PRKCA: variants seen among roughly 807,000 people sequenced by gnomAD.
The protein encoded by PRKCA is protein kinase C alpha, also known as protein kinase C alpha type.
Under a neutral mutation model 87.0 loss-of-function variants are expected in PRKCA, and 27 were observed. The observed-to-expected ratio is 0.31, with a 90% CI of 0.23 to 0.43. The LOEUF is 0.43. Ranked by LOEUF, PRKCA falls within the 20% of genes least tolerant of loss-of-function variation. The pLI is 1.00. For missense variants in PRKCA, 518 were observed against 852.3 expected (o/e 0.61, Z 4.88); for synonymous variants, 329 against 311.1 (o/e 1.06, Z -0.61).
intron 3 of PRKCA, among the ~76,000 whole-genome samples, chr17:66,606,913 T>C (rs184071844): frequency 3.8e-4 from 58 of 152,294 alleles, no homozygotes; most frequent in African/African-American, 1.4e-3. Flanking sequence ...TTTAAAGTTA[T>C]ATGTACTGTA....
chr17:66,334,755 G>A (rs1399210311), intron 2 of PRKCA, among the ~76,000 whole-genome samples: 1 of 152,104 alleles, frequency 6.6e-6, no homozygotes, highest in Non-Finnish European at 1.5e-5. Flanking sequence ...TCCACTTCTG[G>A]GTATCTGCCC....
intron 3 of PRKCA, among the ~76,000 whole-genome samples, chr17:66,587,863 ATATGTATG>A (rs1240764434): frequency 1.7e-5 from 1 of 57,260 alleles, no homozygotes; most frequent in Non-Finnish European, 3.7e-5. Context: ...ACATATATAC[ATATGTATG>A]TGTGTGTGTG....
intron 3 of PRKCA, among the ~76,000 whole-genome samples, chr17:66,577,764 C>G (rs1272671119): frequency 6.6e-6 from 1 of 152,152 alleles, no homozygotes; most frequent in African/African-American, 2.4e-5. Flanking sequence ...TGAGTTTATA[C>G]TTCACCTTAG....
intron 2 of PRKCA, among the ~76,000 whole-genome samples, chr17:66,367,578 TA>T: frequency 6.6e-6 from 1 of 152,354 alleles, no homozygotes; most frequent in East Asian, 1.9e-4. Context: ...TGTTGCATTC[TA>T]AAAGATGGTC....
intron 2 of PRKCA, among the ~76,000 whole-genome samples, chr17:66,363,203 T>G (rs183930244): frequency 1.5e-4 from 23 of 152,372 alleles, no homozygotes; most frequent in Non-Finnish European, 2.8e-4. Context: ...GAGCACCAGC[T>G]AGCCAAATTG....
chr17:66,551,458 G>A (rs1007478974), intron 3 of PRKCA, among the ~76,000 whole-genome samples: 14 of 152,338 alleles, frequency 9.2e-5, no homozygotes, highest in East Asian at 3.9e-4. Context: ...AGCTGTTGGC[G>A]GAAGCCTGCC....
In PRKCA at chr17:66,694,121, G is replaced by A. The variant is rs536665638; in HGVS notation, c.918+5074G>A. ...TAATACCACAGTGAGAAGTCAGCTT[G>A]CACTGATCCTTCTCGATTCAATGGT... is the stretch of plus-strand genomic sequence containing the variant. On this transcript the variant is annotated intron_variant, in intron 8 of 16. Transcript: ENST00000413366. Among the ~76,000 whole-genome samples the A allele has an allele frequency of 4.6e-5, 7 of 152,292 alleles. No individual in the cohort carries two copies. The South Asian group carries it at 1.5e-3, about 32-fold the overall frequency.
intron 2 of PRKCA, chr17:66,398,064 A>C (rs1910791602): frequency 6.6e-6 from 1 of 152,298 alleles, no homozygotes; most frequent in Admixed American, 6.5e-5. Context: ...GTACATGGCA[A>C]ATGCTAGCAT....
chr17:66,721,557 G>A (rs1364108547), intron 8 of PRKCA, among the ~76,000 whole-genome samples: 1 of 152,094 alleles, frequency 6.6e-6, no homozygotes, highest in African/African-American at 2.4e-5. Flanking sequence ...GCACTGAGGG[G>A]TCCTTCCCTT....
intron 3 of PRKCA, among the ~76,000 whole-genome samples, chr17:66,582,075 T>G (rs1969457764): frequency 6.6e-6 from 1 of 152,188 alleles, no homozygotes; most frequent in Non-Finnish European, 1.5e-5. Context: ...GTGGCAGTTG[T>G]TAAATATTTT....
intron 8 of PRKCA, among the ~76,000 whole-genome samples, chr17:66,711,417 T>C (rs1232034172): frequency 6.6e-6 from 1 of 152,256 alleles, no homozygotes; most frequent in Non-Finnish European, 1.5e-5. Context: ...TCATTTTTTC[T>C]CATTTTTTAA....
At chr17:66,793,067 G>A (rs767009042) in intron 16 of PRKCA, among the ~76,000 whole-genome samples, 2 of 152,204 alleles carry the variant, frequency 1.3e-5, no homozygotes, top group African/African-American at 2.4e-5. Context: ...GCAGTGCTGT[G>A]AGCCCTGGAC....
Position 66,786,924 on chromosome 17 carries a change from G to C in PRKCA, c.1663G>C (p.Val555Leu). ...ELFQSIMEHN[V>L]SYPKSLSKEA... ...ATTTCAGTCTATCATGGAGCACAACGTTTCCTATCCAAAATCCTTGTCCAA... is the reference window on the plus strand; with the variant it reads ...ATTTCAGTCTATCATGGAGCACAACCTTTCCTATCCAAAATCCTTGTCCAA... Residue 555 changes from valine (V) to leucine (L), a missense_variant, in exon 15 of 17, where the codon GTT becomes CTT. This residue lies in a region of PRKCA where 159 missense variants were observed against 232.4 expected (regional missense o/e 0.68). Transcript: ENST00000413366. 6.2e-7 allele frequency: 1 copy of C among 1,614,084 alleles called. No individual in the cohort carries two copies. Among genetic ancestry groups the C allele is most frequent in the Admixed American group, 1.7e-5 (1 of 60,028 alleles).
In PRKCA at chr17:66,302,744, C is replaced by G. The variant is rs1047664999; in HGVS notation, c.-108C>G. ...CGACCTCGGCCACCGGCCCGCGCCC[C>G]GCGCCCGGGGTCGCCCCGAGCCCGC... On this transcript the variant is annotated 5_prime_UTR_variant, in exon 1 of 17. Coordinates refer to ENST00000413366, the MANE Select transcript of PRKCA (RefSeq NM_002737.3). 2 of 888,846 alleles carry G rather than the reference C, an allele frequency of 2.3e-6. No individual in the cohort carries two copies. The highest frequency in any genetic ancestry group is 1.2e-4 in the Admixed American group (2 of 17,328). 55.1% of individuals were successfully genotyped at this position (888,846 alleles called of 1,614,324 possible). A position where few individuals can be genotyped will look rare whatever the true frequency, so the allele number is the denominator to read the frequency against.
chr17:66,527,863 G>C (rs1340757075), intron 3 of PRKCA, among the ~76,000 whole-genome samples: 1 of 152,170 alleles, frequency 6.6e-6, no homozygotes, highest in Non-Finnish European at 1.5e-5. Context: ...CTTGGTGACT[G>C]TATGGAAATA....
chr17:66,434,243 G>A (rs186067766), intron 2 of PRKCA, among the ~76,000 whole-genome samples: 7 of 145,408 alleles, frequency 4.8e-5, no homozygotes, highest in African/African-American at 1.7e-4. Flanking sequence ...GGGGCTGGCA[G>A]TTTAATGCCA....
intron 5 of PRKCA, among the ~76,000 whole-genome samples, chr17:66,648,386 T>C (rs991913107): frequency 6.6e-6 from 1 of 152,246 alleles, no homozygotes. Context: ...GTACTAACTT[T>C]TATTCAAATC....
chr17:66,322,427 A>C (rs540378159), intron 2 of PRKCA, among the ~76,000 whole-genome samples: 1 of 152,244 alleles, frequency 6.6e-6, no homozygotes, highest in East Asian at 1.9e-4. Flanking sequence ...ACTGTATTGG[A>C]AGATTCAAAT....
At chr17:66,623,567 A>G (rs1970755133) in intron 3 of PRKCA, among the ~76,000 whole-genome samples, 1 of 152,210 alleles carries the variant, frequency 6.6e-6, no homozygotes, top group Non-Finnish European at 1.5e-5. Context: ...ACAGATGTTC[A>G]CAAAGAACCT....
Sources: gnomAD v4.1 joint callset for allele counts (sites outside exome capture counted in the v4.1 genomes callset) on GRCh38, gnomAD v4.1.1 for gene constraint, gnomAD v4.1.1 regional missense constraint, MANE v1.5 for transcripts, NCBI Gene and HGNC (gene_info 2026-07-23, HGNC 2026-07-21) for gene names.